The following PABPC4L variants were observed in gnomAD, a reference collection of about 807,000 sequenced individuals.
PABPC4L encodes the protein polyadenylate-binding protein 4-like.
For missense variants in PABPC4L, 452 were observed against 451.4 expected (o/e 1.00, Z -0.01); for synonymous variants, 169 against 164.1 (o/e 1.03, Z -0.23).
At chr4:133,968,405 A>C in the PABPC4L span, among the ~76,000 whole-genome samples, 1 of 152,196 alleles carries the variant, frequency 6.6e-6, no homozygotes, top group East Asian at 1.9e-4. Context: ...TCAGGAAATA[A>C]AGGGTGGAGC....
At chr4:134,030,552 T>C in the PABPC4L span, among the ~76,000 whole-genome samples, 1 of 151,834 alleles carries the variant, frequency 6.6e-6, no homozygotes, top group Non-Finnish European at 1.5e-5. Flanking sequence ...TTTTGACATA[T>C]GCACAGATCA....
chr4:134,061,612 A>C, the PABPC4L span, among the ~76,000 whole-genome samples: 1 of 128,658 alleles, frequency 7.8e-6, no homozygotes, highest in African/African-American at 3.1e-5. Context: ...CACAAACACA[A>C]ACATACACAG....
the PABPC4L span, among the ~76,000 whole-genome samples, chr4:134,027,475 A>AT: frequency 1.3e-5 from 2 of 152,148 alleles, no homozygotes; most frequent in Admixed American, 6.6e-5. Context: ...TTATCTATTC[A>AT]TTTTTTGTTG....
chr4:134,086,891 C>T, the PABPC4L span, among the ~76,000 whole-genome samples: 11 of 151,398 alleles, frequency 7.3e-5, no homozygotes, highest in Non-Finnish European at 1.0e-4. Flanking sequence ...CATGCTGGTG[C>T]GCTGCACCCA....
At chr4:134,160,992 A>G in the PABPC4L span, among the ~76,000 whole-genome samples, 1 of 152,054 alleles carries the variant, frequency 6.6e-6, no homozygotes, top group Non-Finnish European at 1.5e-5. Flanking sequence ...CTCTCAGACA[A>G]TTAATTCAAA....
chr4:134,104,743 A>G, the PABPC4L span, among the ~76,000 whole-genome samples: 1 of 151,830 alleles, frequency 6.6e-6, no homozygotes, highest in African/African-American at 2.4e-5. Flanking sequence ...TCTCTCATAT[A>G]ATGGGTTTCA....
At chr4:134,009,517 C>T in the PABPC4L span, among the ~76,000 whole-genome samples, 1 of 152,050 alleles carries the variant, frequency 6.6e-6, no homozygotes, top group South Asian at 2.1e-4. Flanking sequence ...TTCTGAATAC[C>T]ATTTCAATAG....
chr4:133,964,145 A>C, the PABPC4L span, among the ~76,000 whole-genome samples: 1 of 152,150 alleles, frequency 6.6e-6, no homozygotes, highest in Non-Finnish European at 1.5e-5. Context: ...AGATATTACA[A>C]CTGACACCAC....
the PABPC4L span, among the ~76,000 whole-genome samples, chr4:134,018,374 C>T: frequency 1.1e-4 from 16 of 152,196 alleles, no homozygotes; most frequent in South Asian, 1.5e-3. Context: ...CACACTGATG[C>T]GCATGAAAAT....
the PABPC4L span, among the ~76,000 whole-genome samples, chr4:134,178,493 T>G: frequency 6.6e-6 from 1 of 151,288 alleles, no homozygotes; most frequent in Non-Finnish European, 1.5e-5. Flanking sequence ...GAGTGTTTTT[T>G]TACCTCCAAA....
the PABPC4L span, among the ~76,000 whole-genome samples, chr4:134,010,938 T>C: frequency 8.5e-5 from 13 of 152,264 alleles, 1 homozygote; most frequent in African/African-American, 3.1e-4. Context: ...ATAACACATA[T>C]AGCAAGTTTG....
chr4:134,141,798 C>T, the PABPC4L span, among the ~76,000 whole-genome samples: 11 of 151,634 alleles, frequency 7.3e-5, no homozygotes, highest in African/African-American at 2.7e-4. Context: ...GAGGCCATGT[C>T]AAAAGGTCAT....
At chr4:134,065,937 C>T in the PABPC4L span, among the ~76,000 whole-genome samples, 2 of 151,952 alleles carry the variant, frequency 1.3e-5, no homozygotes, top group South Asian at 2.1e-4. Context: ...TGCAGCATTA[C>T]TTCCGGGATG....
chr4:134,193,681 C>T (rs1048386532), downstream of PABPC4L, among the ~76,000 whole-genome samples: 3 of 151,902 alleles, frequency 2.0e-5, no homozygotes, highest in African/African-American at 7.2e-5. Flanking sequence ...GTTTGGATGG[C>T]TTCTGATATT....
At chr4:134,194,191 C>A (rs937841107), downstream of PABPC4L, among the ~76,000 whole-genome samples, 19 of 151,796 alleles carry the variant, frequency 1.3e-4, 1 homozygote, top group Admixed American at 1.2e-3. Context: ...AAGTGCTATG[C>A]TAGTAAAGTA....
At chr4:134,026,055 T>C in the PABPC4L span, among the ~76,000 whole-genome samples, 20 of 152,270 alleles carry the variant, frequency 1.3e-4, no homozygotes, top group East Asian at 3.9e-3. Context: ...CTTTTATTTT[T>C]CCCCTTTTAA....
At chr4:134,177,182 T>C in the PABPC4L span, among the ~76,000 whole-genome samples, 1 of 71,618 alleles carries the variant, frequency 1.4e-5, no homozygotes, top group Non-Finnish European at 2.2e-5. Context: ...TTTTCTTTTC[T>C]TTTCTTTTTT....
At chr4:134,114,436 A>C in the PABPC4L span, among the ~76,000 whole-genome samples, 2 of 151,846 alleles carry the variant, frequency 1.3e-5, no homozygotes, top group Admixed American at 6.6e-5. Context: ...TCAAAACTTA[A>C]GTGGGGAAGG....
the PABPC4L span, among the ~76,000 whole-genome samples, chr4:134,004,756 T>A: frequency 1.3e-5 from 2 of 151,906 alleles, no homozygotes; most frequent in African/African-American, 4.8e-5. Context: ...GTGCTATATA[T>A]ACACAATAGA....
Sources: gnomAD v4.1 joint callset for allele counts (sites outside exome capture counted in the v4.1 genomes callset) on GRCh38, gnomAD v4.1.1 for gene constraint, MANE v1.5 for transcripts, NCBI Gene and HGNC (gene_info 2026-07-23, HGNC 2026-07-21) for gene names.